ZAN: variants seen among roughly 807,000 people sequenced by gnomAD.
ZAN encodes the protein zonadhesin.
A neutral mutation model predicts 286.2 loss-of-function variants in ZAN; 260 were observed. That is an observed-to-expected ratio of 0.91 (90% CI 0.82 to 1.01). ZAN has a LOEUF of 1.01. Ranked by LOEUF, ZAN falls within the 50% of genes least tolerant of loss-of-function variation. ZAN has a pLI of 0.00. For missense variants in ZAN, 3,410 were observed against 3,639.2 expected (o/e 0.94, Z 1.62); for synonymous variants, 1,368 against 1,417.5 (o/e 0.97, Z 0.79).
chr7:100,740,166 C>T (rs1807634219), intron 7 of ZAN, among the ~76,000 whole-genome samples: 1 of 141,082 alleles, frequency 7.1e-6, no homozygotes, highest in South Asian at 2.2e-4. Context: ...AGAGGGTGAC[C>T]TGAGATCCAC....
intron 34 of ZAN, 89 bp downstream of exon 34, chr7:100,776,653 C>A: frequency 1.1e-6 from 1 of 881,664 alleles, no homozygotes; most frequent in Non-Finnish European, 1.5e-6. Flanking sequence ...TCCCTCCCCT[C>A]CCCTCCCCTC....
At chr7:100,768,780 G>A in intron 27 of ZAN, 59 bp downstream of exon 27, 2 of 1,448,308 alleles carry the variant, frequency 1.4e-6, no homozygotes, top group Non-Finnish European at 1.9e-6. Context: ...GGGCCTCGGG[G>A]GGCAGCTTGG....
intron 7 of ZAN, among the ~76,000 whole-genome samples, chr7:100,739,012 TTTTC>T (rs1464352656): frequency 1.2e-5 from 1 of 85,060 alleles, no homozygotes; most frequent in East Asian, 2.9e-4. Context: ...TCCTTCTTCT[TTTTC>T]TTTTTTTTTT....
At chr7:100,791,433 T>C (rs1811954615) in intron 40 of ZAN, among the ~76,000 whole-genome samples, 1 of 151,860 alleles carries the variant, frequency 6.6e-6, no homozygotes, top group African/African-American at 2.4e-5. Context: ...CTCCTACTTC[T>C]TCTTCCTCTG....
chr7:100,764,959 G>A (rs566286060), intron 22 of ZAN, among the ~76,000 whole-genome samples: 13 of 152,204 alleles, frequency 8.5e-5, no homozygotes, highest in East Asian at 3.9e-4. Flanking sequence ...GGGAGGCAAC[G>A]AGGCTGCCTC....
intron 45 of ZAN, 125 bp downstream of exon 45, chr7:100,795,461 TTATA>T (rs1375092777): frequency 1.6e-5 from 16 of 973,348 alleles, no homozygotes; most frequent in Non-Finnish European, 2.1e-5. Context: ...GTTACAGATA[TTATA>T]TATTATAAAC....
In ZAN at chr7:100,795,296, G is replaced by A; in HGVS notation, c.8226G>A (p.Leu2742=). The part of the protein sequence containing the change: ...CECEVGYGGG[L]CMEPRDAPPP... ...GTGAAGTTGGTTACGGGGGAGGCCT[G>A]TGTATGGAGCCTCGAGATGCGCCAC... The change falls in exon 45 of 48, where the codon CTG becomes CTA. Residue 2742 remains leucine (L), a synonymous_variant. Coordinates refer to ENST00000613979, the MANE Select transcript of ZAN (RefSeq NM_003386.3). 1 of 1,608,670 alleles carries A rather than the reference G, an allele frequency of 6.2e-7. No individual in the cohort carries two copies. Among genetic ancestry groups the A allele is most frequent in the Non-Finnish European group, 8.5e-7 (1 of 1,177,226 alleles).
intron 31 of ZAN, 127 bp downstream of exon 31, chr7:100,773,992 G>C: frequency 7.3e-7 from 1 of 1,363,088 alleles, no homozygotes. Flanking sequence ...CTGCAACCAA[G>C]AGCTTCTGGT....
Position 100,751,265 on chromosome 7 carries a change from A to G in ZAN, c.1605A>G (p.Pro535=). The change falls in exon 13 of 48, where the codon CCA becomes CCG. Residue 535 remains proline, a splice_region_variant and synonymous_variant. Coordinates refer to ENST00000613979, the MANE Select transcript of ZAN (RefSeq NM_003386.3). ...GFILINPGTC[P]VKVLPELPPV... ...TCTTGATCAATCCTGGGACTTGTCC[A>G]GGTAAGACCAAAGCCCAGGCTCCAG... The G allele has an allele frequency of 1.3e-6, 2 of 1,582,124 alleles. No individual in the cohort carries two copies. Among genetic ancestry groups the G allele is most frequent in the African/African-American group, 1.4e-5 (1 of 73,760 alleles).
rs1214034405 is a variant in ZAN at position 100,738,595 on chromosome 7, G to T, written c.748G>T (p.Asp250Tyr). The change falls in exon 7 of 48, where the codon GAC (aspartate) becomes TAC (tyrosine). Residue 250 changes from aspartate (D) to tyrosine (Y), a missense_variant. Physicochemically the swap from Asp to Tyr is radical, Grantham distance 160. This residue lies in a region of ZAN where 872 missense variants were observed against 938.9 expected (regional missense o/e 0.93). Transcript: ENST00000613979. ...AAAGCCAGGCGTGGGGCCTGATGGC[G>T]ACTTCTCTAGCCCTGGTAGTGAGTA... ...SGKPGVGPDGDFSSPGSGCYM... is the reference protein window; with the variant it reads ...SGKPGVGPDGYFSSPGSGCYM... The T allele has an allele frequency of 4.0e-6, 6 of 1,517,622 alleles. 1 individual carries two copies. The South Asian group carries it at 5.7e-5, about 14-fold the overall frequency. 94.0% of individuals were successfully genotyped at this position (1,517,622 alleles called of 1,614,324 possible).
At position 100,758,252 on chromosome 7, in the gene ZAN, G is replaced by A; in HGVS notation, c.3360G>A (p.Trp1120Ter). 6.2e-7 allele frequency: 1 copy of A among 1,613,428 alleles called. No homozygotes were observed. Among genetic ancestry groups the A allele is most frequent in the Non-Finnish European group, 8.5e-7 (1 of 1,179,864 alleles). Residue 1120 changes from tryptophan to a stop codon, truncating the protein, a stop_gained, in exon 16 of 48, where the codon TGG (tryptophan) becomes TGA (stop). Coordinates refer to ENST00000613979, the MANE Select transcript of ZAN (RefSeq NM_003386.3). LOFTEE classifies it high-confidence loss of function. ...ACTGCACAGAACATTGCCGCTGCTG[G>A]CCCGGCAGTCGGGTCGAGTGCCAGA... ...SPNCTEHCRC[W>*]PGSRVECQIS...
In ZAN at chr7:100,758,221, G is replaced by A. The variant is rs221818; in HGVS notation, c.3329G>A (p.Ser1110Asn). The A allele has an allele frequency of 6.2e-7, 1 of 1,613,318 alleles. No individual in the cohort carries two copies. The highest frequency in any genetic ancestry group is 1.1e-5 in the South Asian group (1 of 91,026). Residue 1110 changes from serine to asparagine, a missense_variant, in exon 16 of 48, where the codon AGC (serine) becomes AAC (asparagine). Coordinates refer to ENST00000613979, the MANE Select transcript of ZAN (RefSeq NM_003386.3). ...DYYEPGAEWFSPNCTEHCRCW... is the reference protein window; with the variant it reads ...DYYEPGAEWFNPNCTEHCRCW... ...TCCCAGCCTGGGGCAGAGTGGTTCA[G>A]CCCCAACTGCACAGAACATTGCCGC...
intron 11 of ZAN, among the ~76,000 whole-genome samples, chr7:100,750,339 G>A (rs1451821452): frequency 2.0e-5 from 3 of 152,028 alleles, no homozygotes; most frequent in African/African-American, 7.2e-5. Context: ...GTTTCACCAT[G>A]TTGGCCAGGA....
chr7:100,768,880 T>C (rs1034362596), intron 27 of ZAN, among the ~76,000 whole-genome samples, 159 bp downstream of exon 27: 3 of 152,268 alleles, frequency 2.0e-5, no homozygotes, highest in African/African-American at 7.2e-5. Context: ...CTCTCCAAGA[T>C]TGGAGTTGGT....
In ZAN at chr7:100,769,864, A is replaced by G. The variant is rs1365373162; in HGVS notation, c.5154-16A>G. 1 of 1,551,440 alleles carries G rather than the reference A, an allele frequency of 6.4e-7. No homozygotes were observed. ...ACCCAACCTGTAGCCCTCAGTTTCTATTCTCTCTCATTTAGCTGTTTCCTT... is the reference window on the plus strand; with the variant it reads ...ACCCAACCTGTAGCCCTCAGTTTCTGTTCTCTCTCATTTAGCTGTTTCCTT... On this transcript the variant is annotated splice_polypyrimidine_tract_variant and intron_variant, in intron 27 of 47. Transcript: ENST00000613979.
chr7:100,771,243 T>C, intron 28 of ZAN, among the ~76,000 whole-genome samples: 1 of 151,722 alleles, frequency 6.6e-6, no homozygotes, highest in Non-Finnish European at 1.5e-5. Context: ...CAAATCTGGG[T>C]TTTGTTTGTT....
At chr7:100,768,789 G>A in intron 27 of ZAN, 68 bp downstream of exon 27, 1 of 1,345,786 alleles carries the variant, frequency 7.4e-7, no homozygotes, top group East Asian at 2.5e-5. Flanking sequence ...GGGGCAGCTT[G>A]GAAGTGTCCT....
At chr7:100,794,930 G>A (rs1285947271) in intron 44 of ZAN, among the ~76,000 whole-genome samples, 1 of 150,844 alleles carries the variant, frequency 6.6e-6, no homozygotes, top group Non-Finnish European at 1.5e-5. Flanking sequence ...AGGGAGAGGA[G>A]GGGAGAAGGA....
At chr7:100,738,878 C>T (rs1562911300) in intron 7 of ZAN, among the ~76,000 whole-genome samples, 1 of 2,860 alleles carries the variant, frequency 3.5e-4, no homozygotes. Flanking sequence ...TCTTCTTCTC[C>T]CTCTCCCTCT....
Sources: gnomAD v4.1 joint callset for allele counts (sites outside exome capture counted in the v4.1 genomes callset) on GRCh38, gnomAD v4.1.1 for gene constraint, gnomAD v4.1.1 regional missense constraint, MANE v1.5 for transcripts, NCBI Gene and HGNC (gene_info 2026-07-23, HGNC 2026-07-21) for gene names.